Variants in NFIC observed in about 807,000 individuals in gnomAD.
NFIC encodes nuclear factor I C.
NFIC carries 12 observed loss-of-function variants against 54.4 expected under a neutral mutation model. The observed-to-expected ratio is 0.22, with a 90% CI of 0.14 to 0.36. The LOEUF (loss-of-function observed/expected upper bound fraction) is 0.36. NFIC is among the 10% of genes least tolerant of loss of function. The probability of loss-of-function intolerance (pLI) is 1.00; values close to 1 mark genes in which losing one functional copy is unlikely to be tolerated. For synonymous variants in NFIC, 322 were observed against 319.2 expected, an observed-to-expected ratio of 1.01 and a Z score of -0.09; for missense variants, 575 against 718.2, an observed-to-expected ratio of 0.80 and a Z score of 2.28.
Position 3,425,110 on chromosome 19 carries a change from A to T in NFIC, c.567A>T (p.Ala189=). 6.2e-7 allele frequency: 1 copy of T among 1,613,418 alleles called. No homozygotes were observed. The highest frequency in any genetic ancestry group is 8.5e-7 in the Non-Finnish European group (1 of 1,179,936). The part of the protein sequence containing the change: ...YLAYFVRERD[A]EQSGSPRTGM... Reference sequence around the variant, plus strand: ...GTTTCTTCCCTCTCTTTGCAGATGCAGAGCAAAGCGGCAGTCCCCGGACAG... The same window carrying T: ...GTTTCTTCCCTCTCTTTGCAGATGCTGAGCAAAGCGGCAGTCCCCGGACAG... Residue 189 remains alanine (A), a synonymous_variant, in exon 3 of 11, where the codon GCA becomes GCT. Coordinates refer to ENST00000443272, the MANE Select transcript of NFIC (RefSeq NM_001245002.2).
At chr19:3,460,726 CT>C (rs2082626384) in intron 10 of NFIC, among the ~76,000 whole-genome samples, 1 of 150,924 alleles carries the variant, frequency 6.6e-6, no homozygotes, top group Non-Finnish European at 1.5e-5. Context: ...GTTGGCCAGG[CT>C]GGTCTCGAAC....
At chr19:3,365,081 C>T (rs1442763691), upstream of NFIC, among the ~76,000 whole-genome samples, 2 of 152,284 alleles carry the variant, frequency 1.3e-5, no homozygotes, top group East Asian at 1.9e-4. Context: ...AGGGAACCTA[C>T]GCTGCAGGAA....
At chr19:3,364,053 A>T (rs1328058121), upstream of NFIC, among the ~76,000 whole-genome samples, 2 of 152,012 alleles carry the variant, frequency 1.3e-5, no homozygotes, top group African/African-American at 4.8e-5. Context: ...CTGCCTCCAA[A>T]TTGTGGGCAT....
chr19:3,450,654 C>CAA (rs200945320), intron 7 of NFIC, among the ~76,000 whole-genome samples: 1 of 149,968 alleles, frequency 6.7e-6, no homozygotes, highest in African/African-American at 2.4e-5. Context: ...GACTCCATCT[C>CAA]AAAAAAAAAC....
chr19:3,429,614 G>C (rs552602941), intron 3 of NFIC, among the ~76,000 whole-genome samples: 7 of 152,136 alleles, frequency 4.6e-5, no homozygotes, highest in Admixed American at 3.3e-4. Context: ...TTGTAACAGG[G>C]GGACTGGCGG....
At chr19:3,381,548 G>A (rs924210309) in intron 1 of NFIC, among the ~76,000 whole-genome samples, 164 bp from the exon 2 acceptor site, 4 of 152,124 alleles carry the variant, frequency 2.6e-5, no homozygotes, top group Non-Finnish European at 4.4e-5. Flanking sequence ...GCGTGCCTCC[G>A]GCGGCGTGCA....
rs2082723330 is a variant in NFIC at position 3,466,842 on chromosome 19, T to A, written c.*4073T>A. On this transcript the variant is annotated 3_prime_UTR_variant, in exon 11 of 11. Coordinates refer to ENST00000443272, the MANE Select transcript of NFIC (RefSeq NM_001245002.2). The surrounding 1 kb of genome is among the most constrained non-coding windows in gnomAD (Gnocchi z 4.8). ...CCTTCTCACCCCGAGCTTGCCTCCTTGGCTCACTTGGCACCTTGGCTGAGT... is the reference window on the plus strand; with the variant it reads ...CCTTCTCACCCCGAGCTTGCCTCCTAGGCTCACTTGGCACCTTGGCTGAGT... 6.6e-6 allele frequency: 1 copy of A among 152,244 alleles called. No homozygotes were observed. The highest frequency in any genetic ancestry group is 1.5e-5 in the Non-Finnish European group (1 of 68,152). The allele number at this position is 152,244 out of a possible 1,614,324, so 9.4% of individuals were successfully genotyped here. A position where few individuals can be genotyped will look rare whatever the true frequency, so the allele number is the denominator to read the frequency against.
chr19:3,446,077 C>T (rs2082369697), intron 6 of NFIC, among the ~76,000 whole-genome samples: 1 of 152,048 alleles, frequency 6.6e-6, no homozygotes, highest in African/African-American at 2.4e-5. Flanking sequence ...ACTGAGAAAT[C>T]CTGCGTGAAT....
intron 2 of NFIC, among the ~76,000 whole-genome samples, chr19:3,385,574 T>G (rs973184611): frequency 4.8e-5 from 3 of 62,602 alleles, no homozygotes; most frequent in Admixed American, 1.7e-4. Flanking sequence ...GTTGTTGTTG[T>G]TTTTTTTTTT....
At chr19:3,436,095 TG>T (rs61654751) in intron 6 of NFIC, among the ~76,000 whole-genome samples, 6,817 of 152,004 alleles carry the variant, frequency 0.045, 542 homozygotes, top group African/African-American at 0.16. Flanking sequence ...CCCAAAGTTC[TG>T]GGATTACAGG....
chr19:3,439,080 C>T (rs1042763453), intron 6 of NFIC, among the ~76,000 whole-genome samples: 21 of 151,418 alleles, frequency 1.4e-4, no homozygotes, highest in African/African-American at 5.1e-4. Flanking sequence ...CTCTGCCCCT[C>T]AATTTCCTCT....
At chr19:3,436,432 G>A (rs1205332308) in intron 6 of NFIC, among the ~76,000 whole-genome samples, 2 of 149,520 alleles carry the variant, frequency 1.3e-5, no homozygotes, top group Admixed American at 6.7e-5. Flanking sequence ...CCAAAGTGCT[G>A]GGATTCCAGG....
intron 2 of NFIC, among the ~76,000 whole-genome samples, chr19:3,417,023 A>G (rs1432884653): frequency 6.6e-6 from 1 of 151,064 alleles, no homozygotes; most frequent in Non-Finnish European, 1.5e-5. Context: ...AGCTGGGACT[A>G]CAGGCGCCCG....
intron 9 of NFIC, chr19:3,454,251 TGGC>T: frequency 8.7e-7 from 1 of 1,150,048 alleles, no homozygotes; most frequent in Non-Finnish European, 1.1e-6. Context: ...GATCTCACAG[TGGC>T]GGCCCGAGGG....
intron 2 of NFIC, among the ~76,000 whole-genome samples, chr19:3,415,258 G>A (rs1435493549): frequency 1.3e-5 from 2 of 151,752 alleles, no homozygotes; most frequent in Admixed American, 1.3e-4. Context: ...GACTATGGGT[G>A]CATGCCAGCA....
chr19:3,457,506 G>A (rs2082577638), intron 10 of NFIC, among the ~76,000 whole-genome samples: 1 of 152,142 alleles, frequency 6.6e-6, no homozygotes, highest in Admixed American at 6.5e-5. Flanking sequence ...TTCGGGTTAT[G>A]GGTAAGCAGC....
chr19:3,387,191 C>T (rs188643992), intron 2 of NFIC, among the ~76,000 whole-genome samples: 5 of 152,252 alleles, frequency 3.3e-5, no homozygotes, highest in Non-Finnish European at 7.4e-5. Context: ...AAAGGAGCCA[C>T]CACTTGCAAC....
chr19:3,399,133 C>T (rs2081513268), intron 2 of NFIC, among the ~76,000 whole-genome samples: 2 of 152,184 alleles, frequency 1.3e-5, no homozygotes, highest in African/African-American at 4.8e-5. Flanking sequence ...TGCAGGAAGA[C>T]GTGAGGTCCT....
At chr19:3,415,373 G>A (rs1225358515) in intron 2 of NFIC, among the ~76,000 whole-genome samples, 2 of 148,496 alleles carry the variant, frequency 1.3e-5, no homozygotes, top group Non-Finnish European at 3.0e-5. Flanking sequence ...CTCCTGCCTC[G>A]GCCTCCCAGA....
Sources: allele counts gnomAD v4.1 joint callset (sites outside exome capture counted in the v4.1 genomes callset), GRCh38; gene constraint gnomAD v4.1.1; non-coding constraint Gnocchi (gnomAD v3.1); transcripts MANE v1.5; gene names NCBI Gene and HGNC (gene_info 2026-07-23, HGNC 2026-07-21).